The following SNX14 variants were observed in gnomAD, a reference collection of about 807,000 sequenced individuals.
The protein encoded by SNX14 is sorting nexin 14.
A neutral mutation model predicts 133.8 loss-of-function variants in SNX14; 93 were observed. The ratio of observed to expected loss-of-function variants is 0.70; its 90% confidence interval spans 0.59 to 0.83. The LOEUF (loss-of-function observed/expected upper bound fraction) is 0.83. Ranked by LOEUF, SNX14 falls within the 40% of genes least tolerant of loss-of-function variation. The pLI is 0.00. For synonymous variants in SNX14, 368 were observed against 365.6 expected, an observed-to-expected ratio of 1.01 and a Z score of -0.07; for missense variants, 945 against 1,094.9, an observed-to-expected ratio of 0.86 and a Z score of 1.93.
intron 1 of SNX14, among the ~76,000 whole-genome samples, chr6:85,579,809 T>G (rs1182368228): frequency 6.6e-6 from 1 of 152,234 alleles, no homozygotes; most frequent in East Asian, 1.9e-4. Flanking sequence ...TGAAAGGTCT[T>G]AAGTAAACTT....
At chr6:85,507,333 A>G in intron 27 of SNX14, 44 bp from the exon 28 acceptor site, 4 of 1,491,914 alleles carry the variant, frequency 2.7e-6, no homozygotes. Context: ...AAGGCACTAA[A>G]CACAAAAACC....
chr6:85,535,109 G>A (rs900668392), intron 17 of SNX14, among the ~76,000 whole-genome samples: 2 of 148,160 alleles, frequency 1.3e-5, no homozygotes, highest in Non-Finnish European at 3.0e-5. Flanking sequence ...GCTCACTGCA[G>A]CCTTGACCTC....
rs11336326 is a variant in SNX14 at position 85,512,621 on chromosome 6, C to CA, written c.2653+1178dup. On this transcript the variant is annotated intron_variant, in intron 26 of 28. Transcript: ENST00000314673. Reference sequence around the variant, plus strand: ...TTGGTGACACAGTGGGGCTCTGTCTCAAAAAAAAAAAAAAAAAAATGTGGA... The same window carrying CA: ...TTGGTGACACAGTGGGGCTCTGTCTCAAAAAAAAAAAAAAAAAAAATGTGGA... 8.3e-3 allele frequency among the ~76,000 whole-genome samples: 1,027 copies of CA among 123,498 alleles called. 16 individuals carry two copies. The highest frequency in any genetic ancestry group is 0.028 in the African/African-American group (920 of 33,130). 81.0% of individuals were successfully genotyped at this position (123,498 alleles called of 152,430 possible).
At chr6:85,549,359 C>G (rs1436231238) in intron 8 of SNX14, among the ~76,000 whole-genome samples, 5 of 152,134 alleles carry the variant, frequency 3.3e-5, no homozygotes, top group African/African-American at 1.2e-4. Context: ...ATAAACTCAT[C>G]TATATAGTTT....
At chr6:85,548,686 C>T (rs1205646384) in intron 8 of SNX14, among the ~76,000 whole-genome samples, 2 of 152,068 alleles carry the variant, frequency 1.3e-5, no homozygotes, top group South Asian at 2.1e-4. Flanking sequence ...AACTCTCTAT[C>T]GGCCGGGTGG....
intron 23 of SNX14, among the ~76,000 whole-genome samples, chr6:85,517,042 G>C (rs1011841548): frequency 2.0e-5 from 3 of 152,082 alleles, no homozygotes; most frequent in Admixed American, 6.5e-5. Flanking sequence ...AGCAGTCCTA[G>C]TCAGGAATAA....
At chr6:85,551,072 C>A (rs896109760) in intron 7 of SNX14, among the ~76,000 whole-genome samples, 1 of 152,180 alleles carries the variant, frequency 6.6e-6, no homozygotes, top group Middle Eastern at 3.2e-3. Context: ...TGAGCCACTG[C>A]GCCTGGCCTC....
chr6:85,570,637 A>C (rs1398348746), intron 4 of SNX14, among the ~76,000 whole-genome samples: 1 of 152,028 alleles, frequency 6.6e-6, no homozygotes, highest in Non-Finnish European at 1.5e-5. Flanking sequence ...GGTGGATCAC[A>C]AGGTCAGGAG....
At chr6:85,531,452 C>A (rs1780273108) in intron 18 of SNX14, among the ~76,000 whole-genome samples, 1 of 152,120 alleles carries the variant, frequency 6.6e-6, no homozygotes, top group Admixed American at 6.5e-5. Flanking sequence ...ATCGAGTGAA[C>A]CAATACCACA....
chr6:85,561,799 C>A (rs1791703910), intron 6 of SNX14, among the ~76,000 whole-genome samples: 1 of 151,728 alleles, frequency 6.6e-6, no homozygotes, highest in Non-Finnish European at 1.5e-5. Flanking sequence ...TAGTTTCCAG[C>A]CTGTTCATTT....
At chr6:85,590,070 TA>T (rs1025420288) in intron 1 of SNX14, among the ~76,000 whole-genome samples, 40 of 152,330 alleles carry the variant, frequency 2.6e-4, no homozygotes, top group African/African-American at 9.6e-4. Flanking sequence ...AAAGAATTTT[TA>T]AAGGCAATCC....
chr6:85,544,864 T>G (rs1424299554), intron 12 of SNX14, among the ~76,000 whole-genome samples: 1 of 152,166 alleles, frequency 6.6e-6, no homozygotes, highest in African/African-American at 2.4e-5. Flanking sequence ...AGAAACCTGG[T>G]TCTGCAGAAA....
At chr6:85,521,669 C>T (rs564980821) in intron 21 of SNX14, among the ~76,000 whole-genome samples, 15 of 152,120 alleles carry the variant, frequency 9.9e-5, no homozygotes, top group Admixed American at 6.5e-4. Flanking sequence ...TAGATTGGTG[C>T]AAAAGAGAGA....
At chr6:85,582,518 C>A (rs189539937) in intron 1 of SNX14, among the ~76,000 whole-genome samples, 1 of 150,140 alleles carries the variant, frequency 6.7e-6, no homozygotes, top group Admixed American at 6.6e-5. Context: ...AAAAGATTAG[C>A]AAAATAGACC....
At chr6:85,524,627 C>CA (rs1554219685) in intron 21 of SNX14, among the ~76,000 whole-genome samples, 2 of 151,720 alleles carry the variant, frequency 1.3e-5, no homozygotes, top group Non-Finnish European at 2.9e-5. Flanking sequence ...ACTAAAACTA[C>CA]AAAAAAATTA....
chr6:85,565,442 T>C (rs1034644243), intron 5 of SNX14, 23 bp from the exon 6 acceptor site: 1 of 1,533,678 alleles, frequency 6.5e-7, no homozygotes, highest in Non-Finnish European at 8.9e-7. Context: ...GAAAAACAAA[T>C]ATTCAGAAGT....
chr6:85,540,591 T>C (rs945817631), intron 15 of SNX14, among the ~76,000 whole-genome samples: 3 of 152,220 alleles, frequency 2.0e-5, no homozygotes, highest in African/African-American at 2.4e-5. Flanking sequence ...TTGCAAATAA[T>C]CCTAAAGGCA....
intron 27 of SNX14, among the ~76,000 whole-genome samples, chr6:85,507,708 C>CT (rs1169017001): frequency 1.3e-5 from 2 of 152,122 alleles, no homozygotes; most frequent in Non-Finnish European, 2.9e-5. Context: ...TAATTTTTTA[C>CT]TGTATTTCAT....
Position 85,543,634 on chromosome 6 carries a change from T to C in SNX14, c.1235A>G (p.Asp412Gly), listed in dbSNP as rs1438228649. ...TTGAATCTCTTCTACAATGAAGGGA[T>C]CAAATCTAATTTTGTCAATACTTTC... is the stretch of plus-strand genomic sequence containing the variant. The part of the protein sequence containing the change: ...LDESIDKIRF[D>G]PFIVEEIQRI... Residue 412 changes from aspartate (D) to glycine (G), a missense_variant, in exon 13 of 29, where the codon GAT becomes GGT. This residue lies in a region of SNX14 where 514 missense variants were observed against 538.8 expected (regional missense o/e 0.95). Transcript: ENST00000314673. 6.9e-6 allele frequency: 11 copies of C among 1,587,742 alleles called. No individual in the cohort carries two copies. Among genetic ancestry groups the C allele is most frequent in the Non-Finnish European group, 8.6e-6 (10 of 1,165,358 alleles).
Sources: gnomAD v4.1 joint callset for allele counts (sites outside exome capture counted in the v4.1 genomes callset) on GRCh38, gnomAD v4.1.1 for gene constraint, gnomAD v4.1.1 regional missense constraint, MANE v1.5 for transcripts, NCBI Gene and HGNC (gene_info 2026-07-23, HGNC 2026-07-21) for gene names.